The following SDK1 variants were observed in gnomAD, a reference collection of about 807,000 sequenced individuals.
The protein encoded by SDK1 is protein sidekick-1.
In SDK1, 157 loss-of-function variants were observed where a neutral mutation model predicts 245.5. The observed-to-expected ratio is 0.64, with a 90% confidence interval of 0.56 to 0.73. The LOEUF is 0.73. Among genes scored for constraint, SDK1 ranks in the 30% least tolerant of loss-of-function variants. SDK1 has a pLI of 0.00. For synonymous variants in SDK1, 1,647 were observed against 1,278.5 expected, an observed-to-expected ratio of 1.29 and a Z score of -6.15; for missense variants, 3,583 against 3,002.3, an observed-to-expected ratio of 1.19 and a Z score of -4.52.
chr7:3,507,758 T>C (rs1782439236), intron 1 of SDK1, among the ~76,000 whole-genome samples: 1 of 152,122 alleles, frequency 6.6e-6, no homozygotes, highest in Non-Finnish European at 1.5e-5. Context: ...AGTGCGGGAC[T>C]CCCTCCAATT....
At chr7:3,553,944 C>T (rs1021885938) in intron 1 of SDK1, among the ~76,000 whole-genome samples, 1 of 152,142 alleles carries the variant, frequency 6.6e-6, no homozygotes, top group Admixed American at 6.5e-5. Flanking sequence ...ACAAATGAAG[C>T]GGGCACAAAG....
chr7:4,109,137 G>A (rs1783154299), intron 22 of SDK1, among the ~76,000 whole-genome samples: 1 of 152,198 alleles, frequency 6.6e-6, no homozygotes, highest in Non-Finnish European at 1.5e-5. Context: ...TGTGCCTGCA[G>A]GTATCTGTTA....
chr7:3,738,270 G>A (rs760842667), intron 4 of SDK1, among the ~76,000 whole-genome samples: 74 of 152,334 alleles, frequency 4.9e-4, no homozygotes, highest in Non-Finnish European at 9.1e-4. Context: ...GCATGTGGAT[G>A]TGCAGTTTTC....
At chr7:3,980,935 A>G (rs1461952416) in intron 13 of SDK1, among the ~76,000 whole-genome samples, 3 of 124,252 alleles carry the variant, frequency 2.4e-5, no homozygotes, top group Non-Finnish European at 3.7e-5. Flanking sequence ...GCGAGACTCC[A>G]TCTCAAAAAA....
chr7:3,594,690 A>C (rs559977816), intron 1 of SDK1, among the ~76,000 whole-genome samples: 5 of 152,180 alleles, frequency 3.3e-5, no homozygotes, highest in Admixed American at 2.0e-4. Context: ...TAATTTTCCC[A>C]GTGACTAATG....
Position 4,237,744 on chromosome 7 carries a change from C to G in SDK1, c.6090C>G (p.Val2030=). 1 of 1,614,170 alleles carries G rather than the reference C, an allele frequency of 6.2e-7. No individual in the cohort carries two copies. Among genetic ancestry groups the G allele is most frequent in the Non-Finnish European group, 8.5e-7 (1 of 1,180,040 alleles). Residue 2030 remains valine, a synonymous_variant, in exon 42 of 45, where the codon GTC becomes GTG. Transcript: ENST00000404826. ...TCCTGCTGGTGGTGTTCGCCCTCGTCCTGCACGGGCAGAATAAGAAGTATA... is the reference window on the plus strand; with the variant it reads ...TCCTGCTGGTGGTGTTCGCCCTCGTGCTGCACGGGCAGAATAAGAAGTATA... The part of the protein sequence containing the change: ...IVILLVVFAL[V]LHGQNKKYKN...
chr7:3,685,597 C>T lies in SDK1; in HGVS notation c.713+43492C>T, dbSNP rs376107310. 3.3e-5 allele frequency among the ~76,000 whole-genome samples: 5 copies of T among 152,058 alleles called. No homozygotes were observed. In the South Asian group the frequency reaches 6.2e-4, roughly 19 times the overall value. ...TGAGGTTCATATGTGATGGTTGATG[C>T]AAAAATTGTAACTTTATGTGCTACT... On this transcript the variant is annotated intron_variant, in intron 4 of 44. Coordinates refer to ENST00000404826, the MANE Select transcript of SDK1 (RefSeq NM_152744.4).
Position 3,373,707 on chromosome 7 carries a change from A to G in SDK1, c.298+71823A>G, listed in dbSNP as rs558161749. ...AATACTAAATGACAAGAGAAAGCAAAATTGTTATTTGAAGATATTATATGA... is the reference window on the plus strand; with the variant it reads ...AATACTAAATGACAAGAGAAAGCAAGATTGTTATTTGAAGATATTATATGA... On this transcript the variant is annotated intron_variant, in intron 1 of 44. Coordinates refer to ENST00000404826, the MANE Select transcript of SDK1 (RefSeq NM_152744.4). Among the ~76,000 whole-genome samples the G allele has an allele frequency of 6.8e-4, 103 of 152,304 alleles. 1 individual carries two copies. The highest frequency in any genetic ancestry group is 2.3e-3 in the African/African-American group (94 of 41,566).
At chr7:3,978,820 C>T (rs563917965) in intron 13 of SDK1, among the ~76,000 whole-genome samples, 4 of 152,338 alleles carry the variant, frequency 2.6e-5, no homozygotes, top group African/African-American at 9.6e-5. Context: ...AAACAATGTC[C>T]TTCAGAGGAG....
At chr7:3,421,170 C>T (rs891216218) in intron 1 of SDK1, among the ~76,000 whole-genome samples, 4 of 148,518 alleles carry the variant, frequency 2.7e-5, no homozygotes, top group Non-Finnish European at 5.9e-5. Flanking sequence ...CTCCTGGGTT[C>T]AAGTGATTCT....
chr7:3,608,845 A>T (rs1781502503), intron 1 of SDK1, among the ~76,000 whole-genome samples: 1 of 152,230 alleles, frequency 6.6e-6, no homozygotes, highest in South Asian at 2.1e-4. Flanking sequence ...CTAAAGTATT[A>T]ACAAAAATAT....
rs1434378623 is a variant in SDK1, at chr7:3,745,184, G to A, written c.714-76266G>A. 3.1e-4 allele frequency among the ~76,000 whole-genome samples: 47 copies of A among 152,198 alleles called. 1 individual carries two copies. Among genetic ancestry groups the A allele is most frequent in the Admixed American group, 3.1e-3 (47 of 15,286 alleles). On this transcript the variant is annotated intron_variant, in intron 4 of 44. Coordinates refer to ENST00000404826, the MANE Select transcript of SDK1 (RefSeq NM_152744.4). ...AGGGAAGGTCCTGTGGTATCTCAAA[G>A]TCACTTAGCTCAGTTTCTCTAGGTT...
At chr7:3,981,609 A>G (rs953417374) in intron 13 of SDK1, among the ~76,000 whole-genome samples, 6 of 152,232 alleles carry the variant, frequency 3.9e-5, no homozygotes, top group African/African-American at 1.4e-4. Context: ...CACACAAATG[A>G]TAAGAAAGTG....
intron 1 of SDK1, among the ~76,000 whole-genome samples, chr7:3,521,482 A>G (rs946350865): frequency 3.3e-5 from 5 of 152,250 alleles, no homozygotes; most frequent in African/African-American, 4.8e-5. Flanking sequence ...TACCCAGACC[A>G]TAAGCGTCAT....
rs753986426 is a variant in SDK1 at position 3,693,077 on chromosome 7, A to G, written c.713+50972A>G. ...AATAAAATTTTAGATGCCATATTAT[A>G]TATTAATATGACTTAATATCTTATG... On this transcript the variant is annotated intron_variant, in intron 4 of 44. Coordinates refer to ENST00000404826, the MANE Select transcript of SDK1 (RefSeq NM_152744.4). Among the ~76,000 whole-genome samples, 42 of 152,110 alleles carry G rather than the reference A, an allele frequency of 2.8e-4. 1 individual carries two copies. The highest frequency in any genetic ancestry group is 5.0e-4 in the Non-Finnish European group (34 of 67,958).
chr7:3,492,699 C>G (rs771752758), intron 1 of SDK1, among the ~76,000 whole-genome samples: 1 of 152,178 alleles, frequency 6.6e-6, no homozygotes, highest in Admixed American at 6.5e-5. Flanking sequence ...GATGCTCTCT[C>G]TGTTACATAA....
chr7:3,859,022 C>T (rs1429113515), intron 5 of SDK1, among the ~76,000 whole-genome samples: 1 of 149,534 alleles, frequency 6.7e-6, no homozygotes, highest in African/African-American at 2.5e-5. Context: ...GCCACCATGC[C>T]CGGCTAATTT....
intron 1 of SDK1, among the ~76,000 whole-genome samples, chr7:3,379,417 C>T (rs920366717): frequency 9.9e-5 from 15 of 152,026 alleles, no homozygotes; most frequent in Non-Finnish European, 1.8e-4. Flanking sequence ...GACAATTGAC[C>T]TGAGATTCCA....
intron 5 of SDK1, among the ~76,000 whole-genome samples, chr7:3,827,228 C>T (rs1779798132): frequency 6.6e-6 from 1 of 152,178 alleles, no homozygotes; most frequent in Non-Finnish European, 1.5e-5. Context: ...CTGAGTATCA[C>T]TCAGGATACA....
Sources: gnomAD v4.1 joint callset for allele counts (sites outside exome capture counted in the v4.1 genomes callset) on GRCh38, gnomAD v4.1.1 for gene constraint, MANE v1.5 for transcripts, NCBI Gene and HGNC (gene_info 2026-07-23, HGNC 2026-07-21) for gene names.